Variants in DIAPH2 observed in about 807,000 individuals in gnomAD.
The protein encoded by DIAPH2 is diaphanous related formin 2.
In DIAPH2, 35 loss-of-function variants were observed where a neutral mutation model predicts 92.7. The ratio of observed to expected loss-of-function variants is 0.38; its 90% CI spans 0.29 to 0.50. The LOEUF is 0.50. Among genes scored for constraint, DIAPH2 ranks in the 20% least tolerant of loss-of-function variants. DIAPH2 has a pLI of 0.94. For synonymous variants in DIAPH2, 301 were observed against 280.4 expected, an observed-to-expected ratio of 1.07 and a Z score of -0.73; for missense variants, 701 against 819.5, an observed-to-expected ratio of 0.86 and a Z score of 1.77.
chrX:96,744,549 A>G (rs1426244803), intron 3 of DIAPH2, among the ~76,000 whole-genome samples: 1 of 112,306 alleles, frequency 8.9e-6, no homozygotes, highest in African/African-American at 3.2e-5. Context: ...TCAGAGGTAC[A>G]TTAGAGTGGT....
At position 96,859,610 on chromosome X, in the gene DIAPH2, CTTATTTATTTATTTAT is replaced by C. The variant is rs35571904; in HGVS notation, c.448-21938_448-21923del. ...TAGAAAGAAAGTTCAATAATAGATT[CTTATTTATTTATTTAT>C]TTATTTATTTATTTATTTATTTATT... On this transcript the variant is annotated intron_variant, in intron 4 of 26. Transcript: ENST00000324765. Among the ~76,000 whole-genome samples, 632 of 94,429 alleles carry C rather than the reference CTTATTTATTTATTTAT, an allele frequency of 6.7e-3. 4 individuals carry two copies. The highest frequency in any genetic ancestry group is 0.018 in the African/African-American group (482 of 26,542). The allele number at this position is 94,429 out of a possible 115,157, so 82.0% of individuals were successfully genotyped here.
intron 22 of DIAPH2, among the ~76,000 whole-genome samples, chrX:97,160,108 G>A (rs1394631694): frequency 9.1e-6 from 1 of 109,557 alleles, no homozygotes; most frequent in African/African-American, 3.3e-5. Context: ...GGCGGGGCGG[G>A]GTGGGGGCTG....
intron 26 of DIAPH2, among the ~76,000 whole-genome samples, chrX:97,554,046 C>A (rs2071240344): frequency 9.0e-6 from 1 of 111,183 alleles, no homozygotes; most frequent in South Asian, 3.8e-4. Context: ...AATATGTATA[C>A]ATATTCACAT....
At chrX:97,064,384 A>AT (rs918341585) in intron 17 of DIAPH2, among the ~76,000 whole-genome samples, 1 of 108,822 alleles carries the variant, frequency 9.2e-6, no homozygotes. Context: ...CTACACAACC[A>AT]TTTTTTTTCA....
intron 17 of DIAPH2, among the ~76,000 whole-genome samples, chrX:97,030,414 G>A (rs2066365418): frequency 1.8e-5 from 2 of 111,479 alleles, no homozygotes; most frequent in African/African-American, 6.5e-5. Context: ...CTAATAATTG[G>A]ATGGTTATGT....
intron 5 of DIAPH2, among the ~76,000 whole-genome samples, chrX:96,903,013 A>G (rs1448045520): frequency 4.5e-5 from 5 of 111,130 alleles, no homozygotes; most frequent in African/African-American, 1.6e-4. Flanking sequence ...ACACTCTGTA[A>G]TAAGTCTTTA....
chrX:97,340,192 A>G (rs916202100), intron 23 of DIAPH2, among the ~76,000 whole-genome samples: 1 of 111,637 alleles, frequency 9.0e-6, no homozygotes, highest in Non-Finnish European at 1.9e-5. Context: ...TGATCGTACC[A>G]GTGCCTTCAG....
chrX:97,553,415 T>G (rs181236415), intron 26 of DIAPH2, among the ~76,000 whole-genome samples: 2 of 111,874 alleles, frequency 1.8e-5, no homozygotes, highest in Non-Finnish European at 1.9e-5. Context: ...AGAATTTTTT[T>G]GGCATGGAAA....
At chrX:97,202,222 A>T (rs2067757028) in intron 22 of DIAPH2, among the ~76,000 whole-genome samples, 1 of 112,223 alleles carries the variant, frequency 8.9e-6, no homozygotes, top group Non-Finnish European at 1.9e-5. Flanking sequence ...CAAAATATAA[A>T]GACCAATGAC....
chrX:97,438,926 T>G (rs1242142476), intron 26 of DIAPH2, among the ~76,000 whole-genome samples: 1 of 112,099 alleles, frequency 8.9e-6, no homozygotes, highest in Non-Finnish European at 1.9e-5. Context: ...GTTGAGCATA[T>G]ACTGTGTGAT....
At chrX:96,962,396 TATATATACAC>T (rs2065863412) in intron 16 of DIAPH2, among the ~76,000 whole-genome samples, 1 of 62,090 alleles carries the variant, frequency 1.6e-5, no homozygotes, top group Non-Finnish European at 2.9e-5. Context: ...TATATACACA[TATATATACAC>T]ATATATATAT....
intron 26 of DIAPH2, among the ~76,000 whole-genome samples, chrX:97,512,100 G>A (rs1430164986): frequency 8.9e-6 from 1 of 112,595 alleles, no homozygotes; most frequent in Non-Finnish European, 1.9e-5. Context: ...GTTCCTCCTT[G>A]TACCTCTGGT....
intron 24 of DIAPH2, among the ~76,000 whole-genome samples, chrX:97,359,113 G>T (rs1452187443): frequency 3.6e-5 from 4 of 111,172 alleles, no homozygotes; most frequent in Non-Finnish European, 7.5e-5. Flanking sequence ...ACTACTGTAA[G>T]CCATCTGTAA....
intron 22 of DIAPH2, among the ~76,000 whole-genome samples, chrX:97,191,920 CA>C (rs2067656817): frequency 1.8e-5 from 2 of 110,874 alleles, no homozygotes; most frequent in Non-Finnish European, 1.9e-5. Context: ...TTAGCATGTT[CA>C]TGAACCTAAT....
At chrX:96,688,665 C>A (rs143591312) in intron 1 of DIAPH2, among the ~76,000 whole-genome samples, 1,166 of 112,296 alleles carry the variant, frequency 0.01, 9 homozygotes, top group Non-Finnish European at 0.017. Flanking sequence ...GTATGAGCAA[C>A]AATGATTTCA....
intron 19 of DIAPH2, among the ~76,000 whole-genome samples, chrX:97,086,432 A>G (rs1432929425): frequency 9.0e-6 from 1 of 111,705 alleles, no homozygotes; most frequent in Admixed American, 9.5e-5. Context: ...AGAATATGAA[A>G]TTTCAGATAG....
In DIAPH2 at chrX:96,780,989, TA is replaced by T. The variant is rs1384710449; in HGVS notation, c.447+22732del. Among the ~76,000 whole-genome samples, 6 of 109,369 alleles carry T rather than the reference TA, an allele frequency of 5.5e-5. No individual in the cohort carries two copies. The South Asian group carries it at 2.5e-3, about 45-fold the overall frequency. 95.0% of individuals were successfully genotyped at this position (109,369 alleles called of 115,157 possible). ...ACCCGACTAATTTTTGTATTTTTAG[TA>T]GAGACGGGGTTTTGCCATGTTGGTC... On this transcript the variant is annotated intron_variant, in intron 4 of 26. Transcript: ENST00000324765.
At chrX:96,958,230 A>G in intron 16 of DIAPH2, 82 bp downstream of exon 16, 3 of 1,026,364 alleles carry the variant, frequency 2.9e-6, no homozygotes, top group Non-Finnish European at 3.9e-6. Context: ...AATGTTTGAG[A>G]GTATGACTGC....
At chrX:97,479,858 A>G (rs1020685935) in intron 26 of DIAPH2, among the ~76,000 whole-genome samples, 3 of 111,281 alleles carry the variant, frequency 2.7e-5, no homozygotes, top group African/African-American at 6.5e-5. Context: ...AATATGTACT[A>G]AACTCGATTA....
Sources: gnomAD v4.1 joint callset for allele counts (sites outside exome capture counted in the v4.1 genomes callset) on GRCh38, gnomAD v4.1.1 for gene constraint, MANE v1.5 for transcripts, NCBI Gene and HGNC (gene_info 2026-07-23, HGNC 2026-07-21) for gene names.